AGAP1: variants seen among roughly 807,000 people sequenced by gnomAD.
AGAP1 encodes the protein arf-GAP with GTPase, ANK repeat and PH domain-containing protein 1.
AGAP1 carries 29 observed loss-of-function variants against 105.3 expected under a neutral mutation model. The observed-to-expected ratio is 0.28, with a 90% CI of 0.21 to 0.38. The LOEUF (loss-of-function observed/expected upper bound fraction) is 0.38. AGAP1 is among the 10% of genes least tolerant of loss of function. The probability of loss-of-function intolerance (pLI) is 1.00; values close to 1 mark genes in which losing one functional copy is unlikely to be tolerated. For synonymous variants in AGAP1, 509 were observed against 485.9 expected, an observed-to-expected ratio of 1.05 and a Z score of -0.63; for missense variants, 998 against 1,165.1, an observed-to-expected ratio of 0.86 and a Z score of 2.09.
intron 16 of AGAP1, among the ~76,000 whole-genome samples, chr2:236,063,346 C>T (rs2058259212): frequency 1.3e-5 from 2 of 152,198 alleles, no homozygotes; most frequent in Non-Finnish European, 1.5e-5. Context: ...TGGCCTCGAC[C>T]TCCCAAAGTG....
intron 1 of AGAP1, among the ~76,000 whole-genome samples, chr2:235,668,941 C>T (rs1948223417): frequency 6.6e-6 from 1 of 152,024 alleles, no homozygotes; most frequent in African/African-American, 2.4e-5. Context: ...TGCTCTTAAC[C>T]GCAGTATTCT....
chr2:235,850,477 G>A (rs2048391750), intron 9 of AGAP1, among the ~76,000 whole-genome samples: 1 of 152,186 alleles, frequency 6.6e-6, no homozygotes, highest in Admixed American at 6.5e-5. Context: ...GACATCAGCC[G>A]GCTGGCTCTG....
rs1209634900 is a variant in AGAP1 at position 235,789,822 on chromosome 2, A to C, written c.674-7937A>C. On this transcript the variant is annotated intron_variant, in intron 6 of 17. Transcript: ENST00000304032. This position sits in a 1 kb window ranked among gnomAD's most constrained non-coding sequence, Gnocchi z 4.2. ...AGTTGAATCTTGGCCACAGCTTCTC[A>C]TTAGGCTTTCAGTGACAAGGAACCA... is the stretch of plus-strand genomic sequence containing the variant. Among the ~76,000 whole-genome samples the C allele has an allele frequency of 6.6e-6, 1 of 152,184 alleles. No homozygotes were observed. Among genetic ancestry groups the C allele is most frequent in the African/African-American group, 2.4e-5 (1 of 41,432 alleles).
chr2:235,496,710 A>G (rs149589063), intron 1 of AGAP1, among the ~76,000 whole-genome samples: 74 of 152,158 alleles, frequency 4.9e-4, no homozygotes, highest in Middle Eastern at 3.4e-3. Flanking sequence ...CCAGCAAAGC[A>G]GTTTGACTTT....
Position 235,908,875 on chromosome 2 carries a change from C to T in AGAP1, c.1293C>T (p.Asp431=), listed in dbSNP as rs2051436522. The change falls in exon 11 of 18, where the codon GAC becomes GAT. Residue 431 remains aspartate, a synonymous_variant. Coordinates refer to ENST00000304032, the MANE Select transcript of AGAP1 (RefSeq NM_001037131.3). This position sits in a 1 kb window ranked among gnomAD's most constrained non-coding sequence, Gnocchi z 4.4. Reference sequence around the variant, plus strand: ...CTAAAACCAATGGCCTATCCAAGGACATGAGCAGTTTACACATCTCACCCA... The same window carrying T: ...CTAAAACCAATGGCCTATCCAAGGATATGAGCAGTTTACACATCTCACCCA... ...SSPKTNGLSK[D]MSSLHISPNS... is the part of the protein sequence containing the mutation. 5.0e-6 allele frequency: 8 copies of T among 1,614,000 alleles called. No homozygotes were observed. The highest frequency in any genetic ancestry group is 6.8e-6 in the Non-Finnish European group (8 of 1,179,944).
rs2059203739 is a variant in AGAP1 at position 236,096,828 on chromosome 2, C to T, written c.2115-23364C>T. Among the ~76,000 whole-genome samples, 3 of 152,098 alleles carry T rather than the reference C, an allele frequency of 2.0e-5. No individual in the cohort carries two copies. The highest frequency in any genetic ancestry group is 2.0e-4 in the Admixed American group (3 of 15,276). On this transcript the variant is annotated intron_variant, in intron 16 of 17. Transcript: ENST00000304032. This position sits in a 1 kb window ranked among gnomAD's most constrained non-coding sequence, Gnocchi z 4.4. ...CGAGCTCCCAACCTCAAGTGATTCACCCCGGCCTCCCAAAGTGCTGGGATT... is the reference window on the plus strand; with the variant it reads ...CGAGCTCCCAACCTCAAGTGATTCATCCCGGCCTCCCAAAGTGCTGGGATT...
chr2:235,982,255 A>G lies in AGAP1; in HGVS notation c.1645+13632A>G, dbSNP rs1559722115. Among the ~76,000 whole-genome samples, 1 of 152,234 alleles carries G rather than the reference A, an allele frequency of 6.6e-6. No individual in the cohort carries two copies. Among genetic ancestry groups the G allele is most frequent in the Non-Finnish European group, 1.5e-5 (1 of 68,056 alleles). On this transcript the variant is annotated intron_variant, in intron 13 of 17. Transcript: ENST00000304032. This position sits in a 1 kb window ranked among gnomAD's most constrained non-coding sequence, Gnocchi z 4.9. Reference sequence around the variant, plus strand: ...AAAGAGAATCAAAGAGTCAGTAAACATGCAGAAACACTTTTAGCTGTGAAT... The same window carrying G: ...AAAGAGAATCAAAGAGTCAGTAAACGTGCAGAAACACTTTTAGCTGTGAAT...
At position 235,599,669 on chromosome 2, in the gene AGAP1, G is replaced by A. The variant is rs1945663163; in HGVS notation, c.163+104820G>A. Among the ~76,000 whole-genome samples, 1 of 152,142 alleles carries A rather than the reference G, an allele frequency of 6.6e-6. No homozygotes were observed. Among genetic ancestry groups the A allele is most frequent in the African/African-American group, 2.4e-5 (1 of 41,432 alleles). On this transcript the variant is annotated intron_variant, in intron 1 of 17. Transcript: ENST00000304032. This position sits in a 1 kb window ranked among gnomAD's most constrained non-coding sequence, Gnocchi z 5.3. ...TAGAGCCTGTTTTCATCCTTCAGAG[G>A]AATCCTGCAGTCCACTTGCCCAGCG...
Position 235,866,007 on chromosome 2 carries a change from T to C in AGAP1, c.1051-17338T>C, listed in dbSNP as rs2049152017. Among the ~76,000 whole-genome samples the C allele has an allele frequency of 6.6e-6, 1 of 152,194 alleles. No individual in the cohort carries two copies. The highest frequency in any genetic ancestry group is 1.5e-5 in the Non-Finnish European group (1 of 68,026). On this transcript the variant is annotated intron_variant, in intron 9 of 17. Coordinates refer to ENST00000304032, the MANE Select transcript of AGAP1 (RefSeq NM_001037131.3). The surrounding 1 kb of genome is among the most constrained non-coding windows in gnomAD (Gnocchi z 6.1). Reference sequence around the variant, plus strand: ...CTTGAATGAAAGCTGTCTCGATCCATGTATGTCTGTGTATCTGCGGTCTGG... The same window carrying C: ...CTTGAATGAAAGCTGTCTCGATCCACGTATGTCTGTGTATCTGCGGTCTGG...
chr2:235,954,759 A>C (rs1292068403), intron 12 of AGAP1, among the ~76,000 whole-genome samples: 1 of 151,658 alleles, frequency 6.6e-6, no homozygotes, highest in Non-Finnish European at 1.5e-5. Context: ...CAATATGCAC[A>C]CATATATATG....
In AGAP1 at chr2:235,964,125, G is replaced by C. The variant is rs192295670; in HGVS notation, c.1484-4337G>C. ...CCTCGTGCAGAAGGTCCTAACTGTG[G>C]GCTCCGTGGGAGTGTAGAGATGAGA... On this transcript the variant is annotated intron_variant, in intron 12 of 17. Coordinates refer to ENST00000304032, the MANE Select transcript of AGAP1 (RefSeq NM_001037131.3). This position sits in a 1 kb window ranked among gnomAD's most constrained non-coding sequence, Gnocchi z 4.6. Among the ~76,000 whole-genome samples the C allele has an allele frequency of 6.6e-6, 1 of 152,116 alleles. No homozygotes were observed. The highest frequency in any genetic ancestry group is 1.5e-5 in the Non-Finnish European group (1 of 68,032).
At chr2:235,667,743 G>T (rs891382654) in intron 1 of AGAP1, among the ~76,000 whole-genome samples, 23 of 152,156 alleles carry the variant, frequency 1.5e-4, no homozygotes, top group Non-Finnish European at 2.6e-4. Flanking sequence ...GGCAGATCAT[G>T]AGGTCAGGAG....
At chr2:235,884,767 T>C (rs1158328616) in intron 10 of AGAP1, among the ~76,000 whole-genome samples, 1 of 152,168 alleles carries the variant, frequency 6.6e-6, no homozygotes, top group African/African-American at 2.4e-5. Flanking sequence ...TTTTGAATAT[T>C]TTTAATCCAT....
intron 1 of AGAP1, among the ~76,000 whole-genome samples, chr2:235,702,934 G>GTTTTTGTTTTTTTTTTTTTTTTTTTTTT (rs1950326349): frequency 1.1e-5 from 1 of 88,946 alleles, no homozygotes; most frequent in South Asian, 6.7e-4. Flanking sequence ...AGTTTTCTTG[G>GTTTTTGTTTTTTTTTTTTTTTTTTTTTT]TTTTTTTTTT....
intron 13 of AGAP1, among the ~76,000 whole-genome samples, chr2:236,032,944 G>A (rs766576663): frequency 2.6e-5 from 4 of 152,190 alleles, no homozygotes; most frequent in Non-Finnish European, 4.4e-5. Context: ...TGGTGGGATA[G>A]ATTTTTAAAG....
chr2:235,929,251 C>G (rs1351915351), intron 11 of AGAP1, among the ~76,000 whole-genome samples: 1 of 152,012 alleles, frequency 6.6e-6, no homozygotes, highest in Non-Finnish European at 1.5e-5. Flanking sequence ...TTAATGTGCA[C>G]ACAGATTGCC....
Position 235,927,173 on chromosome 2 carries a change from G to A in AGAP1, c.1325-3592G>A, listed in dbSNP as rs6746431. On this transcript the variant is annotated intron_variant, in intron 11 of 17. Coordinates refer to ENST00000304032, the MANE Select transcript of AGAP1 (RefSeq NM_001037131.3). The surrounding 1 kb of genome is among the most constrained non-coding windows in gnomAD (Gnocchi z 4.4). ...AAGTGGGTGTGGCTGGGGCTGGGGGGCCTTCACGAGCTATAGGGCTCTAAG... is the reference window on the plus strand; with the variant it reads ...AAGTGGGTGTGGCTGGGGCTGGGGGACCTTCACGAGCTATAGGGCTCTAAG... 0.048 allele frequency among the ~76,000 whole-genome samples: 7,257 copies of A among 152,184 alleles called. 570 individuals are homozygous for A. Among genetic ancestry groups the A allele is most frequent in the African/African-American group, 0.17 (6,889 of 41,502 alleles).
At chr2:235,859,822 G>T (rs561272220) in intron 9 of AGAP1, among the ~76,000 whole-genome samples, 2 of 152,122 alleles carry the variant, frequency 1.3e-5, no homozygotes, top group African/African-American at 4.8e-5. Flanking sequence ...AAATGCCTCC[G>T]CCCTGGAGCT....
chr2:236,093,745 A>G (rs563548996), intron 16 of AGAP1, among the ~76,000 whole-genome samples: 49 of 144,770 alleles, frequency 3.4e-4, no homozygotes, highest in Non-Finnish European at 6.1e-4. Context: ...GAAAAACACA[A>G]TCCCAAACAC....
Sources: allele counts gnomAD v4.1 joint callset (sites outside exome capture counted in the v4.1 genomes callset), GRCh38; gene constraint gnomAD v4.1.1; non-coding constraint Gnocchi (gnomAD v3.1); transcripts MANE v1.5; gene names NCBI Gene and HGNC (gene_info 2026-07-23, HGNC 2026-07-21).